GRID2: variants seen among roughly 807,000 people sequenced by gnomAD.
The protein encoded by GRID2 is glutamate receptor ionotropic, delta-2.
In GRID2, 33 loss-of-function variants were observed where a neutral mutation model predicts 114.8. The ratio of observed to expected loss-of-function variants is 0.29; its 90% confidence interval spans 0.22 to 0.38. The LOEUF is 0.38. GRID2 is among the 10% of genes least tolerant of loss of function. GRID2 has a pLI of 1.00. For missense variants in GRID2, 1,184 were observed against 1,257.7 expected, an observed-to-expected ratio of 0.94 and a Z score of 0.89; for synonymous variants, 505 against 449.9, an observed-to-expected ratio of 1.12 and a Z score of -1.55.
chr4:92,952,568 T>C (rs1353568374), intron 2 of GRID2, among the ~76,000 whole-genome samples: 1 of 152,212 alleles, frequency 6.6e-6, no homozygotes, highest in Non-Finnish European at 1.5e-5. Context: ...AGTACAATTA[T>C]ATTAAGAGGT....
At chr4:93,359,276 T>G (rs568249276) in intron 8 of GRID2, among the ~76,000 whole-genome samples, 2 of 152,044 alleles carry the variant, frequency 1.3e-5, no homozygotes, top group Non-Finnish European at 1.5e-5. Context: ...TTCATTTTTT[T>G]TTTCATTTGA....
At chr4:92,766,294 T>C (rs1034563148) in intron 2 of GRID2, among the ~76,000 whole-genome samples, 2 of 152,034 alleles carry the variant, frequency 1.3e-5, no homozygotes. Context: ...ATTCCAGCAC[T>C]TTGGGAGGCC....
At chr4:93,106,108 A>G (rs983717147) in intron 3 of GRID2, among the ~76,000 whole-genome samples, 1 of 152,186 alleles carries the variant, frequency 6.6e-6, no homozygotes, top group African/African-American at 2.4e-5. Flanking sequence ...GGTCAGTAGA[A>G]GAAATTACTG....
intron 8 of GRID2, among the ~76,000 whole-genome samples, chr4:93,264,556 ATGGGAAACC>A (rs1374431924): frequency 1.5e-4 from 22 of 151,434 alleles, no homozygotes; most frequent in Non-Finnish European, 2.8e-4. Flanking sequence ...ACACGAAGAC[ATGGGAAACC>A]TGGGAAAAAT....
chr4:92,592,302 A>G (rs1054288914), intron 2 of GRID2, among the ~76,000 whole-genome samples: 2 of 152,078 alleles, frequency 1.3e-5, no homozygotes, highest in African/African-American at 4.8e-5. Context: ...AGGCTAAACT[A>G]CCTATGCTTT....
chr4:93,195,136 T>C (rs1326820720), intron 4 of GRID2, among the ~76,000 whole-genome samples: 3 of 152,210 alleles, frequency 2.0e-5, no homozygotes, highest in Non-Finnish European at 2.9e-5. Context: ...ACTATAGGAC[T>C]ACTCCCCTCA....
At chr4:92,684,859 A>G (rs551318181) in intron 2 of GRID2, among the ~76,000 whole-genome samples, 1 of 152,222 alleles carries the variant, frequency 6.6e-6, no homozygotes, top group East Asian at 1.9e-4. Context: ...TTTTTAATAC[A>G]TATCAGAAGA....
intron 10 of GRID2, among the ~76,000 whole-genome samples, chr4:93,435,669 A>C (rs1440309473): frequency 1.3e-5 from 2 of 152,210 alleles, no homozygotes; most frequent in South Asian, 2.1e-4. Context: ...TAATATGCCC[A>C]TTATGTAGAT....
chr4:92,470,481 GA>G (rs922878051), intron 1 of GRID2, among the ~76,000 whole-genome samples: 3 of 151,302 alleles, frequency 2.0e-5, no homozygotes, highest in African/African-American at 7.3e-5. Context: ...ATTTATTTCT[GA>G]AAAAAAGAGG....
chr4:93,701,544 A>G (rs1727508002), intron 14 of GRID2, among the ~76,000 whole-genome samples: 2 of 152,150 alleles, frequency 1.3e-5, no homozygotes, highest in Non-Finnish European at 2.9e-5. Flanking sequence ...GTTTGGAAAA[A>G]AAGAATATGG....
At chr4:92,746,309 A>C (rs1737145884) in intron 2 of GRID2, among the ~76,000 whole-genome samples, 1 of 152,146 alleles carries the variant, frequency 6.6e-6, no homozygotes, top group South Asian at 2.1e-4. Context: ...ATAGCATATA[A>C]CTTTTAAAAT....
intron 8 of GRID2, among the ~76,000 whole-genome samples, chr4:93,353,100 G>A (rs1760964671): frequency 6.6e-6 from 1 of 152,140 alleles, no homozygotes; most frequent in Non-Finnish European, 1.5e-5. Context: ...AGCCAGGTGA[G>A]GCTGAAGACA....
In GRID2 at chr4:93,367,560, G is replaced by A. The variant is rs544091421; in HGVS notation, c.1246-28047G>A. ...GCACAGCCATAAGAAATAAATATAC[G>A]AATAGGTTAATACAGAGGAAATTGT... On this transcript the variant is annotated intron_variant, in intron 8 of 15. Transcript: ENST00000282020. 5.3e-5 allele frequency among the ~76,000 whole-genome samples: 8 copies of A among 152,202 alleles called. No individual in the cohort carries two copies. The East Asian group carries it at 1.2e-3, about 22-fold the overall frequency.
intron 1 of GRID2, among the ~76,000 whole-genome samples, chr4:92,362,411 C>T (rs901841960): frequency 6.6e-6 from 1 of 151,924 alleles, no homozygotes; most frequent in Non-Finnish European, 1.5e-5. Context: ...TGGCTTAAAA[C>T]AAGCTCTGTT....
At chr4:93,465,802 A>C (rs553022220) in intron 11 of GRID2, among the ~76,000 whole-genome samples, 1 of 152,260 alleles carries the variant, frequency 6.6e-6, no homozygotes, top group Admixed American at 6.5e-5. Flanking sequence ...GCTAATGAAA[A>C]TGTTTATAGT....
intron 14 of GRID2, among the ~76,000 whole-genome samples, chr4:93,651,835 T>C (rs1430111582): frequency 1.3e-5 from 2 of 152,288 alleles, no homozygotes; most frequent in East Asian, 3.9e-4. Flanking sequence ...TGGTAGGCTG[T>C]GGAGCTATAG....
intron 13 of GRID2, among the ~76,000 whole-genome samples, chr4:93,589,700 C>A (rs1191363665): frequency 6.6e-6 from 1 of 152,096 alleles, no homozygotes; most frequent in Admixed American, 6.5e-5. Flanking sequence ...TTCTCCACAT[C>A]CTCTCCAGCA....
chr4:93,782,596 A>C (rs1734502093), intron 1 of GRID2, among the ~76,000 whole-genome samples: 2 of 152,106 alleles, frequency 1.3e-5, no homozygotes. Context: ...GCTTTTACCA[A>C]GCAGATGCCA....
intron 5 of GRID2, 78 bp from the exon 6 acceptor site, chr4:93,216,660 C>A: frequency 2.2e-6 from 2 of 895,214 alleles, no homozygotes; most frequent in Non-Finnish European, 3.5e-6. Flanking sequence ...CTAACATTTA[C>A]AGATAACAAC....
Sources: gnomAD v4.1 joint callset for allele counts (sites outside exome capture counted in the v4.1 genomes callset) on GRCh38, gnomAD v4.1.1 for gene constraint, MANE v1.5 for transcripts, NCBI Gene and HGNC (gene_info 2026-07-23, HGNC 2026-07-21) for gene names.